Variants in SHISA9 observed in about 807,000 individuals in gnomAD.
SHISA9 encodes shisa family member 9.
Under a neutral mutation model 38.0 loss-of-function variants are expected in SHISA9, and 13 were observed. The observed-to-expected ratio is 0.34, with a 90% CI of 0.22 to 0.54. The LOEUF (loss-of-function observed/expected upper bound fraction) is 0.54, where lower values mean the gene tolerates loss of function less well. Among genes scored for constraint, SHISA9 ranks in the 20% least tolerant of loss-of-function variants. The pLI, the probability that SHISA9 is intolerant of heterozygous loss-of-function variation, is 0.91. For missense variants in SHISA9, 538 were observed against 575.8 expected (o/e 0.93, Z 0.67); for synonymous variants, 275 against 242.0 (o/e 1.14, Z -1.27).
At chr16:13,197,627 C>T (rs1596722995) in intron 2 of SHISA9, 1 of 152,146 alleles carries the variant, frequency 6.6e-6, no homozygotes, top group African/African-American at 2.4e-5. Flanking sequence ...CACAGGACAC[C>T]ATCAATTTGT....
intron 2 of SHISA9, among the ~76,000 whole-genome samples, chr16:13,081,982 T>A: frequency 6.6e-6 from 1 of 152,010 alleles, no homozygotes. Flanking sequence ...GGAATGTAAG[T>A]GGAGACATGA....
At chr16:13,175,686 C>T (rs965117798) in intron 2 of SHISA9, among the ~76,000 whole-genome samples, 3 of 152,222 alleles carry the variant, frequency 2.0e-5, no homozygotes, top group Admixed American at 6.5e-5. Flanking sequence ...TGCATGGGCA[C>T]GGTGAGCACA....
chr16:12,993,214 AG>A (rs60325656), intron 2 of SHISA9, among the ~76,000 whole-genome samples: 23,608 of 152,170 alleles, frequency 0.16, 1,986 homozygotes, highest in East Asian at 0.2. Flanking sequence ...ATTTGAAATA[AG>A]GGTTTGATTT....
the SHISA9 span, among the ~76,000 whole-genome samples, chr16:13,463,520 C>T: frequency 5.9e-5 from 9 of 152,166 alleles, no homozygotes; most frequent in East Asian, 3.8e-4. Flanking sequence ...AGGAATTAAA[C>T]GTCACCTATT....
chr16:13,269,038 G>A, the SHISA9 span, among the ~76,000 whole-genome samples: 2 of 152,166 alleles, frequency 1.3e-5, no homozygotes, highest in Non-Finnish European at 2.9e-5. Context: ...GTAGTCAAGG[G>A]AGCTTGCCTG....
intron 1 of SHISA9, 39 bp from the exon 2 acceptor site, chr16:12,916,649 T>C (rs1171867633): frequency 6.5e-7 from 1 of 1,539,046 alleles, no homozygotes; most frequent in Non-Finnish European, 8.8e-7. Flanking sequence ...CCAGTCATTG[T>C]GTTTTGAATG....
chr16:13,545,653 C>G, the SHISA9 span, among the ~76,000 whole-genome samples: 1 of 152,170 alleles, frequency 6.6e-6, no homozygotes, highest in African/African-American at 2.4e-5. Flanking sequence ...TGTTGCGTCC[C>G]CTGGCAGGAG....
At chr16:13,382,717 G>C in the SHISA9 span, among the ~76,000 whole-genome samples, 5 of 151,664 alleles carry the variant, frequency 3.3e-5, no homozygotes, top group African/African-American at 1.2e-4. Context: ...AATTAGCCGG[G>C]TGTTGTGGCA....
intron 2 of SHISA9, among the ~76,000 whole-genome samples, chr16:13,112,567 G>A (rs1343013774): frequency 2.0e-5 from 3 of 151,982 alleles, no homozygotes; most frequent in African/African-American, 4.8e-5. Flanking sequence ...GGTCAATTCT[G>A]AGCAAACAAA....
intron 2 of SHISA9, among the ~76,000 whole-genome samples, chr16:13,149,192 T>C (rs1174815026): frequency 6.6e-6 from 1 of 152,104 alleles, no homozygotes; most frequent in Admixed American, 6.5e-5. Context: ...TGAAAAATGA[T>C]CCTATCTTGC....
the SHISA9 span, among the ~76,000 whole-genome samples, chr16:13,525,304 G>C: frequency 6.6e-6 from 1 of 152,164 alleles, no homozygotes; most frequent in African/African-American, 2.4e-5. Flanking sequence ...TGAATCGGAT[G>C]CCATCTTTCA....
At chr16:13,362,210 C>T in the SHISA9 span, among the ~76,000 whole-genome samples, 1 of 68,912 alleles carries the variant, frequency 1.5e-5, no homozygotes, top group Non-Finnish European at 2.7e-5. Context: ...CTAAGAACGA[C>T]AGCCAAAAAA....
chr16:13,090,890 T>G (rs1447394155), intron 2 of SHISA9, among the ~76,000 whole-genome samples: 1 of 152,232 alleles, frequency 6.6e-6, no homozygotes, highest in African/African-American at 2.4e-5. Flanking sequence ...CTTCATAGCA[T>G]TGATGGTCTT....
At chr16:13,061,562 C>T (rs1467848307) in intron 2 of SHISA9, among the ~76,000 whole-genome samples, 1 of 152,058 alleles carries the variant, frequency 6.6e-6, no homozygotes, top group East Asian at 1.9e-4. Context: ...CTGGGAGTGC[C>T]CAATACTTAC....
At chr16:13,309,715 T>C in the SHISA9 span, among the ~76,000 whole-genome samples, 1 of 151,886 alleles carries the variant, frequency 6.6e-6, no homozygotes. Context: ...TTTAACTCTT[T>C]TATGATTTGT....
At chr16:13,192,147 C>G (rs979445219) in intron 2 of SHISA9, among the ~76,000 whole-genome samples, 5 of 152,050 alleles carry the variant, frequency 3.3e-5, no homozygotes. Flanking sequence ...ACTGCATGTT[C>G]TCACTTATGG....
the SHISA9 span, among the ~76,000 whole-genome samples, chr16:13,260,016 T>TC: frequency 9.2e-6 from 1 of 109,254 alleles, no homozygotes; most frequent in African/African-American, 3.6e-5. Context: ...TCTTTTTTTT[T>TC]TTTTTTTTTT....
rs550715024 is a variant in SHISA9 at position 13,191,099 on chromosome 16, T to G, written c.692-12295T>G. On this transcript the variant is annotated intron_variant, in intron 2 of 4. Coordinates refer to ENST00000558583, the MANE Select transcript of SHISA9 (RefSeq NM_001145204.3). ...CCTTGCTTGTGGACAGAAAAAAACC[T>G]ACATGGTATTTCAAACCATAATTTT... 3.7e-3 allele frequency among the ~76,000 whole-genome samples: 568 copies of G among 152,316 alleles called. 4 individuals carry two copies. Among genetic ancestry groups the G allele is most frequent in the African/African-American group, 0.013 (529 of 41,586 alleles).
the SHISA9 span, among the ~76,000 whole-genome samples, chr16:13,275,953 G>A: frequency 1.3e-5 from 2 of 151,130 alleles, no homozygotes; most frequent in Non-Finnish European, 3.0e-5. Context: ...TAATTTATTG[G>A]GGTACAGGTG....
Sources: allele counts gnomAD v4.1 joint callset (sites outside exome capture counted in the v4.1 genomes callset), GRCh38; gene constraint gnomAD v4.1.1; transcripts MANE v1.5; gene names NCBI Gene and HGNC (gene_info 2026-07-23, HGNC 2026-07-21).